MTA3: variants seen among roughly 807,000 people sequenced by gnomAD.
The protein encoded by MTA3 is metastasis-associated protein MTA3.
In MTA3, 34 loss-of-function variants were observed where a neutral mutation model predicts 83.5. That is an observed-to-expected ratio of 0.41 (90% confidence interval 0.31 to 0.54). The LOEUF is 0.54. Ranked by LOEUF, MTA3 falls within the 20% of genes least tolerant of loss-of-function variation. MTA3 has a pLI of 0.33. For synonymous variants in MTA3, 303 were observed against 252.7 expected (o/e 1.20, Z -1.89); for missense variants, 761 against 726.4 (o/e 1.05, Z -0.55).
intron 2 of MTA3, among the ~76,000 whole-genome samples, chr2:42,563,498 CACTT>C (rs777281428): frequency 9.2e-5 from 14 of 152,116 alleles, no homozygotes; most frequent in Non-Finnish European, 1.5e-4. Flanking sequence ...GACGAAGTCT[CACTT>C]TTCGCCCAGG....
chr2:42,731,720 C>A (rs1397865567), intron 16 of MTA3, among the ~76,000 whole-genome samples: 1 of 152,186 alleles, frequency 6.6e-6, no homozygotes. Flanking sequence ...CATTTCAAAA[C>A]CAATCATGCC....
intron 3 of MTA3, among the ~76,000 whole-genome samples, chr2:42,585,523 G>T (rs1459477230): frequency 2.1e-5 from 3 of 145,110 alleles, no homozygotes; most frequent in African/African-American, 5.1e-5. Context: ...CGCCCAGGCC[G>T]GAGTGCAGTG....
chr2:42,745,981 T>G (rs1323823940), intron 16 of MTA3, among the ~76,000 whole-genome samples: 2 of 151,874 alleles, frequency 1.3e-5, no homozygotes, highest in Non-Finnish European at 2.9e-5. Flanking sequence ...GCCCAGCTAA[T>G]TTTTGTATTT....
intron 16 of MTA3, among the ~76,000 whole-genome samples, chr2:42,741,076 C>T (rs1668994832): frequency 6.6e-6 from 1 of 152,270 alleles, no homozygotes; most frequent in Non-Finnish European, 1.5e-5. Context: ...GCTACAGCTT[C>T]TACATCAGCG....
intron 14 of MTA3, among the ~76,000 whole-genome samples, chr2:42,718,429 A>T (rs964832239): frequency 2.0e-5 from 3 of 151,272 alleles, no homozygotes; most frequent in Non-Finnish European, 4.4e-5. Flanking sequence ...GTGTTTTAGT[A>T]GAGATGGGGT....
At chr2:42,532,502 G>C (rs1676026806) in intron 2 of MTA3, among the ~76,000 whole-genome samples, 1 of 152,016 alleles carries the variant, frequency 6.6e-6, no homozygotes, top group South Asian at 2.1e-4. Context: ...ACAGTGAGAC[G>C]CCATCTCAAA....
At chr2:42,730,184 C>T (rs1668143518) in intron 16 of MTA3, among the ~76,000 whole-genome samples, 1 of 152,084 alleles carries the variant, frequency 6.6e-6, no homozygotes, top group Non-Finnish European at 1.5e-5. Context: ...TAATTTGACT[C>T]CTTATTTTCC....
At chr2:42,674,305 A>G (rs1691127884) in intron 8 of MTA3, among the ~76,000 whole-genome samples, 1 of 152,224 alleles carries the variant, frequency 6.6e-6, no homozygotes, top group Non-Finnish European at 1.5e-5. Flanking sequence ...CAATCTACCC[A>G]TAGTGTGGTT....
intron 8 of MTA3, among the ~76,000 whole-genome samples, chr2:42,671,431 G>T (rs575485302): frequency 6.7e-6 from 1 of 149,580 alleles, no homozygotes; most frequent in African/African-American, 2.5e-5. Context: ...ACTTAATTTT[G>T]GTAATTAAAA....
intron 16 of MTA3, among the ~76,000 whole-genome samples, chr2:42,748,299 C>A (rs1161193496): frequency 6.6e-6 from 1 of 151,730 alleles, no homozygotes; most frequent in Non-Finnish European, 1.5e-5. Flanking sequence ...CTCCTGACCT[C>A]ATGATCCGCC....
chr2:42,617,851 A>G (rs1685089772), intron 4 of MTA3, among the ~76,000 whole-genome samples: 1 of 152,108 alleles, frequency 6.6e-6, no homozygotes, highest in African/African-American at 2.4e-5. Flanking sequence ...GCCACTTTAC[A>G]TCTATTTTTA....
intron 4 of MTA3, among the ~76,000 whole-genome samples, chr2:42,611,639 G>C (rs1684233083): frequency 6.6e-6 from 1 of 152,022 alleles, no homozygotes; most frequent in Admixed American, 6.6e-5. Flanking sequence ...AGTAGAGCAA[G>C]ACCTTGTCTC....
Position 42,695,774 on chromosome 2 carries a change from A to C in MTA3, c.901A>C (p.Lys301Gln). The change falls in exon 10 of 17, where the codon AAA becomes CAA. Residue 301 changes from lysine (K) to glutamine (Q), a missense_variant. Coordinates refer to ENST00000405094, the MANE Select transcript of MTA3 (RefSeq NM_001330442.2). Reference protein sequence around the residue: ...NDIRQDFLPWKSLTSIIEYYY... With the variant: ...NDIRQDFLPWQSLTSIIEYYY... ...TTTTTTTTTTTTTCAGCTTCCTTGG[A>C]AATCATTGACTAGCATCATTGAATA... The C allele has an allele frequency of 1.3e-6, 2 of 1,565,400 alleles. No homozygotes were observed. The highest frequency in any genetic ancestry group is 1.7e-6 in the Non-Finnish European group (2 of 1,155,100).
chr2:42,706,240 C>T (rs1301696841), intron 12 of MTA3, among the ~76,000 whole-genome samples: 1 of 151,862 alleles, frequency 6.6e-6, no homozygotes, highest in African/African-American at 2.4e-5. Context: ...CTAACCTGCA[C>T]ATTGTGCACA....
chr2:42,680,488 CTTTAAG>C (rs1250779310), intron 8 of MTA3, among the ~76,000 whole-genome samples: 2 of 152,102 alleles, frequency 1.3e-5, no homozygotes, highest in Non-Finnish European at 1.5e-5. Flanking sequence ...AGGTGCAAGA[CTTTAAG>C]TTTATGTGTT....
chr2:42,748,243 T>TGTGTGTG (rs771046809), intron 16 of MTA3, among the ~76,000 whole-genome samples: 4 of 84,172 alleles, frequency 4.8e-5, no homozygotes, highest in Non-Finnish European at 7.4e-5. Context: ...GTGTGTGTGT[T>TGTGTGTG]TTAGTAGAGA....
At chr2:42,552,585 C>CT (rs1365617615) in intron 2 of MTA3, among the ~76,000 whole-genome samples, 1 of 148,778 alleles carries the variant, frequency 6.7e-6, no homozygotes, top group Non-Finnish European at 1.5e-5. Flanking sequence ...GATGGCACCA[C>CT]TGCACTACCA....
chr2:42,572,239 A>G (rs1678572606), intron 2 of MTA3, among the ~76,000 whole-genome samples: 1 of 151,928 alleles, frequency 6.6e-6, no homozygotes, highest in Non-Finnish European at 1.5e-5. Context: ...AGATCGCGCC[A>G]CTGCCCTCCA....
Position 42,754,764 on chromosome 2 carries a change from CA to C in MTA3, c.*1367del. 5 of 985,482 alleles carry C rather than the reference CA, an allele frequency of 5.1e-6. No homozygotes were observed. Among genetic ancestry groups the C allele is most frequent in the Non-Finnish European group, 6.0e-6 (5 of 829,968 alleles). The allele number at this position is 985,482 out of a possible 1,614,324, so 61.0% of individuals were successfully genotyped here. A position where few individuals can be genotyped will look rare whatever the true frequency, so the allele number is the denominator to read the frequency against. The stretch of plus-strand genomic sequence containing the variant: ...AAGCTGTTGCAAGACAGAGTGGCTA[CA>C]ATTGAATTGACACCCTGGGAAGCAC... On this transcript the variant is annotated 3_prime_UTR_variant, in exon 17 of 17. Coordinates refer to ENST00000405094, the MANE Select transcript of MTA3 (RefSeq NM_001330442.2).
Sources: gnomAD v4.1 joint callset for allele counts (sites outside exome capture counted in the v4.1 genomes callset) on GRCh38, gnomAD v4.1.1 for gene constraint, MANE v1.5 for transcripts, NCBI Gene and HGNC (gene_info 2026-07-23, HGNC 2026-07-21) for gene names.